The following CPA6 variants were observed in gnomAD, a reference collection of about 807,000 sequenced individuals.
CPA6 encodes carboxypeptidase B.
CPA6 carries 58 observed loss-of-function variants against 63.3 expected under a neutral mutation model. The ratio of observed to expected loss-of-function variants is 0.92; its 90% CI spans 0.74 to 1.14. The LOEUF is 1.14. Among genes scored for constraint, CPA6 ranks in the 50% most tolerant of loss-of-function variants. The pLI, the probability that CPA6 is intolerant of heterozygous loss-of-function variation, is 0.00. For missense variants in CPA6, 565 were observed against 526.6 expected (o/e 1.07, Z -0.71); for synonymous variants, 185 against 179.0 (o/e 1.03, Z -0.27).
chr8:67,500,763 A>ATTT lies in CPA6; in HGVS notation c.636+6021_636+6023dup, dbSNP rs757413090. ...TCATACCATATACAAAAAAAGATTCATTTTTTTTTTTTTGCAATGAATATC... is the reference window on the plus strand; with the variant it reads ...TCATACCATATACAAAAAAAGATTCATTTTTTTTTTTTTTTTGCAATGAATATC... On this transcript the variant is annotated intron_variant, in intron 6 of 10. Coordinates refer to ENST00000297770, the MANE Select transcript of CPA6 (RefSeq NM_020361.5). 5.6e-3 allele frequency among the ~76,000 whole-genome samples: 796 copies of ATTT among 142,012 alleles called. 8 individuals are homozygous for ATTT. The highest frequency in any genetic ancestry group is 0.019 in the African/African-American group (754 of 39,026). The allele number at this position is 142,012 out of a possible 152,430, so 93.2% of individuals were successfully genotyped here.
At chr8:67,727,416 C>T (rs1434140382) in intron 1 of CPA6, among the ~76,000 whole-genome samples, 1 of 152,144 alleles carries the variant, frequency 6.6e-6, no homozygotes, top group Non-Finnish European at 1.5e-5. Context: ...ACTTTCTAAC[C>T]TTCTCTTGTC....
intron 1 of CPA6, among the ~76,000 whole-genome samples, chr8:67,679,706 A>G (rs539713434): frequency 6.6e-6 from 1 of 152,304 alleles, no homozygotes; most frequent in South Asian, 2.1e-4. Context: ...GCTTGGCCAC[A>G]ACACCCTCAC....
At position 67,539,918 on chromosome 8, in the gene CPA6, T is replaced by C. The variant is rs565709241; in HGVS notation, c.193-21871A>G. On this transcript the variant is annotated intron_variant, in intron 2 of 10. Coordinates refer to ENST00000297770, the MANE Select transcript of CPA6 (RefSeq NM_020361.5). ...TTCCTGTAACTTTTTATCAAGGTTC[T>C]TAGCTTCCTTGCATTGGGTTAGAAC... 3.3e-5 allele frequency among the ~76,000 whole-genome samples: 5 copies of C among 152,306 alleles called. No homozygotes were observed. In the South Asian group the frequency reaches 1.0e-3, roughly 32 times the overall value.
intron 2 of CPA6, among the ~76,000 whole-genome samples, chr8:67,521,076 G>C (rs1396870636): frequency 6.6e-6 from 1 of 152,194 alleles, no homozygotes; most frequent in African/African-American, 2.4e-5. Flanking sequence ...GTGATTCTGG[G>C]CTACAACATA....
intron 8 of CPA6, among the ~76,000 whole-genome samples, chr8:67,445,189 C>T (rs1334556800): frequency 6.6e-6 from 1 of 151,678 alleles, no homozygotes; most frequent in Non-Finnish European, 1.5e-5. Flanking sequence ...AAAATGATGG[C>T]TAGAGGTAAC....
At chr8:67,672,742 A>G (rs1214339232) in intron 1 of CPA6, among the ~76,000 whole-genome samples, 1 of 152,222 alleles carries the variant, frequency 6.6e-6, no homozygotes, top group East Asian at 1.9e-4. Context: ...TGCTTGGAAC[A>G]CAATCAAGAT....
chr8:67,566,389 T>C (rs900169584), intron 2 of CPA6, among the ~76,000 whole-genome samples: 15 of 152,224 alleles, frequency 9.9e-5, no homozygotes, highest in African/African-American at 3.6e-4. Flanking sequence ...ATCTGACAGC[T>C]GAGCCTCCAC....
intron 2 of CPA6, among the ~76,000 whole-genome samples, chr8:67,611,415 C>G (rs184557269): frequency 6.6e-6 from 1 of 152,246 alleles, no homozygotes; most frequent in East Asian, 1.9e-4. Context: ...CTATATTCCA[C>G]TTTAGATGGT....
intron 3 of CPA6, among the ~76,000 whole-genome samples, chr8:67,516,779 G>C (rs1295423267): frequency 6.6e-6 from 1 of 151,904 alleles, no homozygotes; most frequent in African/African-American, 2.4e-5. Context: ...TCCTCTGACT[G>C]TCTTCCACTT....
intron 6 of CPA6, among the ~76,000 whole-genome samples, chr8:67,489,063 C>T (rs1384990550): frequency 1.3e-5 from 2 of 152,098 alleles, no homozygotes; most frequent in African/African-American, 4.8e-5. Flanking sequence ...TGCATGATTG[C>T]CCTGGCCAGA....
intron 8 of CPA6, among the ~76,000 whole-genome samples, chr8:67,475,854 TCTTTCTTTCTTTCTTTCTTTCTTTCTC>T: frequency 3.0e-5 from 3 of 99,552 alleles, no homozygotes; most frequent in South Asian, 7.2e-4. Flanking sequence ...TTTCTTTCTT[TCTTTCTTTCTTTCTTTCTTTCTTTCTC>T]CTTTCTTTCT....
chr8:67,617,174 G>A (rs1230619544), intron 2 of CPA6, among the ~76,000 whole-genome samples: 1 of 151,984 alleles, frequency 6.6e-6, no homozygotes, highest in Non-Finnish European at 1.5e-5. Context: ...GGATCACTGG[G>A]GTAGATCGTC....
At chr8:67,613,122 C>T (rs1814852312) in intron 2 of CPA6, among the ~76,000 whole-genome samples, 1 of 152,196 alleles carries the variant, frequency 6.6e-6, no homozygotes, top group South Asian at 2.1e-4. Context: ...CTCCATAAAA[C>T]TTCGTTAGTA....
At chr8:67,526,748 C>A (rs1812372225) in intron 2 of CPA6, among the ~76,000 whole-genome samples, 1 of 152,146 alleles carries the variant, frequency 6.6e-6, no homozygotes, top group Non-Finnish European at 1.5e-5. Context: ...AACCCAGTGA[C>A]TCCTGACTTT....
chr8:67,605,856 A>G (rs1814622667), intron 2 of CPA6, among the ~76,000 whole-genome samples: 1 of 152,050 alleles, frequency 6.6e-6, no homozygotes, highest in Non-Finnish European at 1.5e-5. Flanking sequence ...CAGATCCACT[A>G]TACCCTAAGG....
At position 67,592,891 on chromosome 8, in the gene CPA6, C is replaced by A. The variant is rs530470568; in HGVS notation, c.192+31285G>T. ...TTTTGTGTCTCTATTTCCTTCATTT[C>A]TGCTCTGATTTTAGTTATTTCTTGC... On this transcript the variant is annotated intron_variant, in intron 2 of 10. Transcript: ENST00000297770. Among the ~76,000 whole-genome samples, 154 of 151,980 alleles carry A rather than the reference C, an allele frequency of 1.0e-3. 1 individual carries two copies. Among genetic ancestry groups the A allele is most frequent in the African/African-American group, 3.6e-3 (150 of 41,402 alleles).
At chr8:67,548,148 C>CCCT (rs1812861279) in intron 2 of CPA6, among the ~76,000 whole-genome samples, 2 of 127,216 alleles carry the variant, frequency 1.6e-5, no homozygotes, top group Non-Finnish European at 3.3e-5. Flanking sequence ...TCTCTCTCTC[C>CCCT]CTCTCATCCT....
At chr8:67,536,203 T>C (rs1370368151) in intron 2 of CPA6, among the ~76,000 whole-genome samples, 1 of 152,202 alleles carries the variant, frequency 6.6e-6, no homozygotes, top group Non-Finnish European at 1.5e-5. Flanking sequence ...CCATATGAAA[T>C]TTAAAGTAGT....
intron 2 of CPA6, among the ~76,000 whole-genome samples, chr8:67,594,008 G>T (rs1814215729): frequency 6.6e-6 from 1 of 150,696 alleles, no homozygotes; most frequent in Non-Finnish European, 1.5e-5. Flanking sequence ...GCATGATTTT[G>T]CAGCGGCTGG....
Sources: allele counts gnomAD v4.1 joint callset (sites outside exome capture counted in the v4.1 genomes callset), GRCh38; gene constraint gnomAD v4.1.1; transcripts MANE v1.5; gene names NCBI Gene and HGNC (gene_info 2026-07-23, HGNC 2026-07-21).